Variants in RIMKLA observed in about 807,000 individuals in gnomAD.
The protein encoded by RIMKLA is ribosomal modification protein rimK like family member A.
Under a neutral mutation model 32.7 loss-of-function variants are expected in RIMKLA, and 14 were observed. The observed-to-expected ratio is 0.43, with a 90% CI of 0.28 to 0.67. The LOEUF (loss-of-function observed/expected upper bound fraction) is 0.67. Among genes scored for constraint, RIMKLA ranks in the 30% least tolerant of loss-of-function variants. The pLI is 0.18. For missense variants in RIMKLA, 410 were observed against 519.0 expected (o/e 0.79, Z 2.04); for synonymous variants, 176 against 204.1 (o/e 0.86, Z 1.18).
At chr1:42,412,170 TTG>T (rs2148395725) in intron 4 of RIMKLA, among the ~76,000 whole-genome samples, 1 of 152,282 alleles carries the variant, frequency 6.6e-6, no homozygotes, top group South Asian at 2.1e-4. Context: ...GGAAGGGACA[TTG>T]TTAAGGTAAA....
At chr1:42,385,993 C>G (rs1208316763) in intron 1 of RIMKLA, among the ~76,000 whole-genome samples, 1 of 150,932 alleles carries the variant, frequency 6.6e-6, no homozygotes, top group African/African-American at 2.4e-5. Context: ...GTGATCTCAG[C>G]TCACTGCAAC....
At chr1:42,401,098 A>T (rs970955298) in intron 2 of RIMKLA, among the ~76,000 whole-genome samples, 2 of 152,108 alleles carry the variant, frequency 1.3e-5, no homozygotes, top group Non-Finnish European at 2.9e-5. Flanking sequence ...TCCACCTCAG[A>T]TCATCAGGCA....
At chr1:42,408,415 ATTTGTTTG>A (rs762974056) in intron 3 of RIMKLA, among the ~76,000 whole-genome samples, 1 of 151,928 alleles carries the variant, frequency 6.6e-6, no homozygotes, top group Non-Finnish European at 1.5e-5. Context: ...GGACTGGTGT[ATTTGTTTG>A]TTTGTTTGTT....
intron 1 of RIMKLA, among the ~76,000 whole-genome samples, chr1:42,395,985 A>T (rs1643040886): frequency 6.6e-6 from 1 of 152,194 alleles, no homozygotes; most frequent in Admixed American, 6.5e-5. Context: ...TCACGCCTGT[A>T]ATCCCAGCAC....
At chr1:42,398,840 G>T (rs1162446182) in intron 1 of RIMKLA, among the ~76,000 whole-genome samples, 1 of 151,956 alleles carries the variant, frequency 6.6e-6, no homozygotes. Flanking sequence ...GGTGGTGCAC[G>T]CCTGTAGTTC....
rs1643296573 is a variant in RIMKLA at position 42,421,684 on chromosome 1, G to A, written c.*6710G>A. 1 of 152,212 alleles carries A rather than the reference G, an allele frequency of 6.6e-6. No homozygotes were observed. 9.4% of individuals were successfully genotyped at this position (152,212 alleles called of 1,614,324 possible). A position where few individuals can be genotyped will look rare whatever the true frequency, so the allele number is the denominator to read the frequency against. On this transcript the variant is annotated 3_prime_UTR_variant, in exon 5 of 5. Coordinates refer to ENST00000431473, the MANE Select transcript of RIMKLA (RefSeq NM_173642.4). This position sits in a 1 kb window ranked among gnomAD's most constrained non-coding sequence, Gnocchi z 4.6. ...CCTTGAGGTCCCGAGTTCCAGTGGTGTGCCGAAGTGGTTTGCACTGGCCCA... is the reference window on the plus strand; with the variant it reads ...CCTTGAGGTCCCGAGTTCCAGTGGTATGCCGAAGTGGTTTGCACTGGCCCA...
intron 4 of RIMKLA, among the ~76,000 whole-genome samples, chr1:42,411,434 T>G (rs1197711130): frequency 6.6e-6 from 1 of 151,768 alleles, no homozygotes; most frequent in African/African-American, 2.4e-5. Flanking sequence ...CTAAGTACCT[T>G]ACATGTTATC....
At chr1:42,413,417 T>C (rs1643217265) in intron 4 of RIMKLA, among the ~76,000 whole-genome samples, 1 of 149,736 alleles carries the variant, frequency 6.7e-6, no homozygotes, top group Admixed American at 6.7e-5. Flanking sequence ...AAGAGGAGAA[T>C]TGCTTGAATC....
intron 1 of RIMKLA, among the ~76,000 whole-genome samples, chr1:42,385,808 T>TTTCCTTCC (rs1275160381): frequency 0.016 from 1,245 of 75,726 alleles, 168 homozygotes; most frequent in African/African-American, 0.051. Context: ...TCTCTCTCTC[T>TTTCCTTCC]TTCCTTCCTT....
At position 42,411,034 on chromosome 1, in the gene RIMKLA, A is replaced by C. The variant is rs1312368880; in HGVS notation, c.685+847A>C. Among the ~76,000 whole-genome samples the C allele has an allele frequency of 2.6e-5, 4 of 152,242 alleles. No individual in the cohort carries two copies. The South Asian group carries it at 8.3e-4, about 32-fold the overall frequency. On this transcript the variant is annotated intron_variant, in intron 4 of 4. Coordinates refer to ENST00000431473, the MANE Select transcript of RIMKLA (RefSeq NM_173642.4). ...TTGCCCTCAGGTAGCACGTGGTCCC[A>C]TAAAGAAGACATGGGCCAGTTGTGG...
At chr1:42,396,661 T>G (rs1054536083) in intron 1 of RIMKLA, among the ~76,000 whole-genome samples, 1 of 152,258 alleles carries the variant, frequency 6.6e-6, no homozygotes, top group Non-Finnish European at 1.5e-5. Flanking sequence ...CCAGACGTTT[T>G]TGCTGCTTCT....
chr1:42,405,862 C>T (rs1210069310), intron 3 of RIMKLA, among the ~76,000 whole-genome samples: 3 of 151,980 alleles, frequency 2.0e-5, no homozygotes, highest in Admixed American at 6.6e-5. Flanking sequence ...TTTGAATTGG[C>T]GGAAGTGAGT....
chr1:42,404,476 C>G lies in RIMKLA; in HGVS notation c.395-35C>G, dbSNP rs756926941. On this transcript the variant is annotated intron_variant, in intron 2 of 4. Transcript: ENST00000431473. ...GGGGTGACCGCTACCTGACTATCAG[C>G]CTTACCTTCACTGACTTTCACCTTT... 2.5e-5 allele frequency: 37 copies of G among 1,457,182 alleles called. 1 individual carries two copies. In the East Asian group the frequency reaches 7.9e-4, roughly 31 times the overall value. 90.3% of individuals were successfully genotyped at this position (1,457,182 alleles called of 1,614,324 possible).
Position 42,417,547 on chromosome 1 carries a change from A to ACATCTGAGTG in RIMKLA, c.*2573_*2574insCATCTGAGTG, listed in dbSNP as rs1643259624. 6.6e-6 allele frequency: 1 copy of ACATCTGAGTG among 152,220 alleles called. No homozygotes were observed. Among genetic ancestry groups the ACATCTGAGTG allele is most frequent in the Non-Finnish European group, 1.5e-5 (1 of 68,056 alleles). 9.4% of individuals were successfully genotyped at this position (152,220 alleles called of 1,614,324 possible). On this transcript the variant is annotated 3_prime_UTR_variant, in exon 5 of 5. Coordinates refer to ENST00000431473, the MANE Select transcript of RIMKLA (RefSeq NM_173642.4). The stretch of plus-strand genomic sequence containing the variant: ...CTCCATGTTTCACTCAGATAGAGAA[A>ACATCTGAGTG]ATGCCTCCTTTGTTTACCTCTTTGA...
At chr1:42,388,577 T>C (rs1185568086) in intron 1 of RIMKLA, among the ~76,000 whole-genome samples, 1 of 146,908 alleles carries the variant, frequency 6.8e-6, no homozygotes, top group Admixed American at 7.0e-5. Flanking sequence ...TGGAGTGCAG[T>C]GGCACGATCT....
intron 4 of RIMKLA, chr1:42,412,849 A>G (rs930292977): frequency 7.9e-6 from 2 of 253,568 alleles, no homozygotes; most frequent in African/African-American, 4.7e-5. Flanking sequence ...AAAAATCAAT[A>G]AATTGGCCAG....
Position 42,422,863 on chromosome 1 carries a change from G to A in RIMKLA, c.*7889G>A, listed in dbSNP as rs1275813246. Among the ~76,000 whole-genome samples, 3 of 152,256 alleles carry A rather than the reference G, an allele frequency of 2.0e-5. No homozygotes were observed. Among genetic ancestry groups the A allele is most frequent in the Non-Finnish European group, 2.9e-5 (2 of 68,024 alleles). On this transcript the variant is annotated 3_prime_UTR_variant, in exon 5 of 5. Transcript: ENST00000431473. ...AATGCAGATGGCGTGAGCTTGTCAC[G>A]GGCCTGCTCAGCGTGCTCTCCCGGG...
In RIMKLA at chr1:42,411,349, AAG is replaced by A. The variant is rs1553177344; in HGVS notation, c.685+1168_685+1169del. ...GACCCTATCTCTTAAAAAAAAAAAAAAGAGAGATAATTATAAGATAATTGTGA... is the reference window on the plus strand; with the variant it reads ...GACCCTATCTCTTAAAAAAAAAAAAAAGAGATAATTATAAGATAATTGTGA... On this transcript the variant is annotated intron_variant, in intron 4 of 4. Transcript: ENST00000431473. 9.2e-5 allele frequency among the ~76,000 whole-genome samples: 14 copies of A among 151,792 alleles called. No individual in the cohort carries two copies. In the East Asian group the frequency reaches 9.6e-4, roughly 10 times the overall value.
rs1557760987 is a variant in RIMKLA at position 42,418,859 on chromosome 1, C to T, written c.*3885C>T. 1 of 152,210 alleles carries T rather than the reference C, an allele frequency of 6.6e-6. No individual in the cohort carries two copies. The allele number at this position is 152,210 out of a possible 1,614,324, so 9.4% of individuals were successfully genotyped here. On this transcript the variant is annotated 3_prime_UTR_variant, in exon 5 of 5. Coordinates refer to ENST00000431473, the MANE Select transcript of RIMKLA (RefSeq NM_173642.4). ...GTGTGCAGGCATAGCCTTAGCAGGT[C>T]AGTTTAAGGAGTCAGGTCAGAGAAT...
Sources: gnomAD v4.1 joint callset for allele counts (sites outside exome capture counted in the v4.1 genomes callset) on GRCh38, gnomAD v4.1.1 for gene constraint, Gnocchi (gnomAD v3.1) non-coding constraint, MANE v1.5 for transcripts, NCBI Gene and HGNC (gene_info 2026-07-23, HGNC 2026-07-21) for gene names.